ARHGAP42: variants seen among roughly 807,000 people sequenced by gnomAD.
The protein encoded by ARHGAP42 is Rho GTPase activating protein 42.
Under a neutral mutation model 125.0 loss-of-function variants are expected in ARHGAP42, and 63 were observed. That is an observed-to-expected ratio of 0.50 (90% CI 0.41 to 0.62). ARHGAP42 has a LOEUF of 0.62. Ranked by LOEUF, ARHGAP42 falls within the 20% of genes least tolerant of loss-of-function variation. The probability of loss-of-function intolerance (pLI) is 0.00; values close to 1 mark genes in which losing one functional copy is unlikely to be tolerated. For synonymous variants in ARHGAP42, 339 were observed against 351.0 expected (o/e 0.97, Z 0.38); for missense variants, 766 against 1,024.2 (o/e 0.75, Z 3.44).
rs1858897897 is a variant in ARHGAP42 at position 100,993,545 on chromosome 11, T to C, written c.*4744T>C. The C allele has an allele frequency of 6.0e-6, 1 of 167,044 alleles. No homozygotes were observed. The highest frequency in any genetic ancestry group is 2.1e-4 in the South Asian group (1 of 4,820). 10.3% of individuals were successfully genotyped at this position (167,044 alleles called of 1,614,324 possible). On this transcript the variant is annotated 3_prime_UTR_variant, in exon 24 of 24. Transcript: ENST00000298815. ...TCAGAGTCCTTCTTGATTTCTGAGCTGAAACCTTAACAAATAGGGAATTTG... is the reference window on the plus strand; with the variant it reads ...TCAGAGTCCTTCTTGATTTCTGAGCCGAAACCTTAACAAATAGGGAATTTG...
intron 10 of ARHGAP42, among the ~76,000 whole-genome samples, chr11:100,945,471 C>G (rs1191811173): frequency 6.6e-6 from 1 of 152,128 alleles, no homozygotes; most frequent in Non-Finnish European, 1.5e-5. Flanking sequence ...AGAGGAATCA[C>G]TACTTATGGC....
chr11:100,833,223 T>C (rs1864703275), intron 3 of ARHGAP42, among the ~76,000 whole-genome samples: 1 of 152,224 alleles, frequency 6.6e-6, no homozygotes, highest in African/African-American at 2.4e-5. Flanking sequence ...GACCAATTTG[T>C]TGCCTAAAAG....
chr11:100,907,417 G>T (rs995693713), intron 4 of ARHGAP42, among the ~76,000 whole-genome samples: 1 of 152,192 alleles, frequency 6.6e-6, no homozygotes, highest in South Asian at 2.1e-4. Flanking sequence ...TGGTGGCAAT[G>T]ATGTAATTGG....
intron 6 of ARHGAP42, 144 bp from the exon 7 acceptor site, chr11:100,933,012 A>G: frequency 3.5e-6 from 2 of 578,716 alleles, no homozygotes; most frequent in Non-Finnish European, 5.9e-6. Context: ...TTATAATCGT[A>G]AATCTATTGC....
chr11:100,979,853 T>C (rs41392445), intron 22 of ARHGAP42, among the ~76,000 whole-genome samples: 14,083 of 152,222 alleles, frequency 0.093, 937 homozygotes, highest in Non-Finnish European at 0.13. Context: ...GTCTGGCTAA[T>C]TGAGGCTGTG....
chr11:100,982,491 G>A (rs181249014), intron 22 of ARHGAP42, among the ~76,000 whole-genome samples: 2 of 152,290 alleles, frequency 1.3e-5, no homozygotes, highest in East Asian at 3.9e-4. Flanking sequence ...ACAGCCCTAA[G>A]CAGACATTGG....
intron 12 of ARHGAP42, among the ~76,000 whole-genome samples, chr11:100,958,776 A>G (rs1857877016): frequency 6.6e-6 from 1 of 152,054 alleles, no homozygotes; most frequent in Admixed American, 6.6e-5. Context: ...AACACATAAT[A>G]AATACCTCTT....
rs139506492 is a variant in ARHGAP42, at chr11:100,903,709, AATATATATATATATATATATATATAT to A, written c.385-9722_385-9697del. On this transcript the variant is annotated intron_variant, in intron 4 of 23. Coordinates refer to ENST00000298815, the MANE Select transcript of ARHGAP42 (RefSeq NM_152432.4). ...ATGTATATATATACATGTCCCTCAAAATATATATATATATATATATATATATATATATATATATATATATATGTATG... is the reference window on the plus strand; with the variant it reads ...ATGTATATATATACATGTCCCTCAAAATATATATATATATATATATGTATG... 2.7e-4 allele frequency among the ~76,000 whole-genome samples: 17 copies of A among 63,516 alleles called. 1 individual carries two copies. The South Asian group carries it at 4.0e-3, about 15-fold the overall frequency. 41.7% of individuals were successfully genotyped at this position (63,516 alleles called of 152,430 possible).
In ARHGAP42 at chr11:100,921,454, G is replaced by A. The variant is rs755110400; in HGVS notation, c.487-40G>A. 5.0e-6 allele frequency: 7 copies of A among 1,413,532 alleles called. No individual in the cohort carries two copies. In the South Asian group the frequency reaches 7.8e-5, roughly 16 times the overall value. The allele number at this position is 1,413,532 out of a possible 1,614,324, so 87.6% of individuals were successfully genotyped here. ...GAGCAGGAATTGAGTCCCTCTCTAT[G>A]TAGAACCATCAGTAATCACCCTCTG... On this transcript the variant is annotated intron_variant, in intron 5 of 23. Transcript: ENST00000298815.
At chr11:100,724,352 T>C (rs1225891872) in intron 1 of ARHGAP42, among the ~76,000 whole-genome samples, 1 of 152,182 alleles carries the variant, frequency 6.6e-6, no homozygotes, top group Non-Finnish European at 1.5e-5. Flanking sequence ...TTAGCAAGCA[T>C]TATTTTTACT....
chr11:100,867,207 T>G (rs1337117444), intron 4 of ARHGAP42, among the ~76,000 whole-genome samples: 1 of 152,240 alleles, frequency 6.6e-6, no homozygotes, highest in East Asian at 1.9e-4. Flanking sequence ...ACCAGCTGCA[T>G]TAGCCCCTAA....
At chr11:100,944,523 G>A (rs1395000988) in intron 10 of ARHGAP42, among the ~76,000 whole-genome samples, 1 of 151,964 alleles carries the variant, frequency 6.6e-6, no homozygotes, top group East Asian at 1.9e-4. Flanking sequence ...TATACCCTTT[G>A]TATATGATGA....
At chr11:100,899,722 G>GTTTTTTTTTTTTTTTTTTTT (rs767815247) in intron 4 of ARHGAP42, among the ~76,000 whole-genome samples, 3 of 67,222 alleles carry the variant, frequency 4.5e-5, no homozygotes, top group Non-Finnish European at 8.6e-5. Flanking sequence ...TTTGTGTTTT[G>GTTTTTTTTTTTTTTTTTTTT]TTTTTTTTTT....
rs190916722 is a variant in ARHGAP42 at position 100,896,790 on chromosome 11, G to T, written c.385-16662G>T. Among the ~76,000 whole-genome samples, 685 of 152,294 alleles carry T rather than the reference G, an allele frequency of 4.5e-3. 12 individuals carry two copies. The highest frequency in any genetic ancestry group is 0.038 in the Admixed American group (574 of 15,306). On this transcript the variant is annotated intron_variant, in intron 4 of 23. Transcript: ENST00000298815. ...AAAATTTTCTTTCATTCTGTAGGTT[G>T]CCTGTTCACTCTGATGGTAGTTTCT...
intron 1 of ARHGAP42, among the ~76,000 whole-genome samples, chr11:100,731,637 G>A (rs1861960614): frequency 1.3e-5 from 2 of 152,268 alleles, no homozygotes; most frequent in Admixed American, 6.5e-5. Context: ...TGGGGCCCTG[G>A]GAGCAGGGAA....
At chr11:100,778,971 A>G (rs920114626) in intron 2 of ARHGAP42, among the ~76,000 whole-genome samples, 2 of 152,204 alleles carry the variant, frequency 1.3e-5, no homozygotes, top group Middle Eastern at 3.4e-3. Flanking sequence ...AGCAAATTAT[A>G]TGCTCTTTGA....
At chr11:100,903,133 A>ACACGCGCACACACACACACACT (rs1866603463) in intron 4 of ARHGAP42, among the ~76,000 whole-genome samples, 2 of 151,268 alleles carry the variant, frequency 1.3e-5, no homozygotes, top group African/African-American at 4.9e-5. Context: ...ACACACACAC[A>ACACGCGCACACACACACACACT]CACACACACA....
At chr11:100,807,427 C>G (rs572609245) in intron 3 of ARHGAP42, among the ~76,000 whole-genome samples, 1 of 152,248 alleles carries the variant, frequency 6.6e-6, no homozygotes, top group African/African-American at 2.4e-5. Flanking sequence ...AACTCCTGAC[C>G]TCAGGAAATC....
In ARHGAP42 at chr11:100,781,780, T is replaced by G. The variant is rs115992211; in HGVS notation, c.250+11342T>G. On this transcript the variant is annotated intron_variant, in intron 2 of 23. Transcript: ENST00000298815. ...TATCTGTAATTTTAAGATGTTGATG[T>G]TACAACAAACTGCCTGTGAAGTGAA... Among the ~76,000 whole-genome samples the G allele has an allele frequency of 3.4e-3, 524 of 152,330 alleles. 2 individuals carry two copies. The highest frequency in any genetic ancestry group is 0.027 in the Middle Eastern group (8 of 294).
Sources: allele counts gnomAD v4.1 joint callset (sites outside exome capture counted in the v4.1 genomes callset), GRCh38; gene constraint gnomAD v4.1.1; transcripts MANE v1.5; gene names NCBI Gene and HGNC (gene_info 2026-07-23, HGNC 2026-07-21).